The following ARHGAP33 variants were observed in gnomAD, a reference collection of about 807,000 sequenced individuals.
ARHGAP33 encodes rho GTPase-activating protein 33.
ARHGAP33 carries 57 observed loss-of-function variants against 126.2 expected under a neutral mutation model. The observed-to-expected ratio is 0.45, with a 90% CI of 0.36 to 0.56. The LOEUF is 0.56. Among genes scored for constraint, ARHGAP33 ranks in the 20% least tolerant of loss-of-function variants. The pLI, the probability that ARHGAP33 is intolerant of heterozygous loss-of-function variation, is 0.00. For missense variants in ARHGAP33, 1,500 were observed against 1,748.3 expected, an observed-to-expected ratio of 0.86 and a Z score of 2.53; for synonymous variants, 711 against 755.0, an observed-to-expected ratio of 0.94 and a Z score of 0.95.
rs571665836 is a variant in ARHGAP33 at position 35,780,907 on chromosome 19, CT to C, written c.830-11del. The C allele has an allele frequency of 2.2e-4, 359 of 1,610,366 alleles. 1 individual carries two copies. In the African/African-American group the frequency reaches 4.2e-3, roughly 19 times the overall value. On this transcript the variant is annotated splice_polypyrimidine_tract_variant and intron_variant, in intron 10 of 20. Coordinates refer to ENST00000007510, the MANE Select transcript of ARHGAP33 (RefSeq NM_001366178.1). ...CAAGACCTGCCTTTGCCCTTTGCCC[CT>C]TGCCCCCACAGCTGTGCCACGGCCT...
intron 6 of ARHGAP33, 23 bp from the exon 7 acceptor site, chr19:35,780,188 G>T (rs757390556): frequency 6.2e-7 from 1 of 1,612,184 alleles, no homozygotes; most frequent in Non-Finnish European, 8.5e-7. Context: ...ACCTGTCCTT[G>T]CCACATTCCA....
chr19:35,779,003 A>G (rs1345951320), intron 5 of ARHGAP33, 29 bp from the exon 6 acceptor site: 8 of 1,538,698 alleles, frequency 5.2e-6, no homozygotes, highest in Non-Finnish European at 7.0e-6. Flanking sequence ...GTCCACTCAC[A>G]GAGGCCCACT....
chr19:35,781,205 T>C lies in ARHGAP33; in HGVS notation c.1038T>C (p.Asp346=), dbSNP rs1381630799. ...TCATTGAGGCCCACGGGGTGGTGGA[T>C]GGGATCTACCGGCTCTCAGGCGTGT... ...SEFIEAHGVV[D]GIYRLSGVSS... The change falls in exon 12 of 21, where the codon GAT becomes GAC. Residue 346 remains aspartate, a synonymous_variant. Coordinates refer to ENST00000007510, the MANE Select transcript of ARHGAP33 (RefSeq NM_001366178.1). 1.2e-6 allele frequency: 2 copies of C among 1,613,424 alleles called. No individual in the cohort carries two copies. Among genetic ancestry groups the C allele is most frequent in the Admixed American group, 1.7e-5 (1 of 59,956 alleles).
In ARHGAP33 at chr19:35,788,530, C is replaced by G. The variant is rs1336503401; in HGVS notation, c.*101C>G. 9.1e-7 allele frequency: 1 copy of G among 1,094,770 alleles called. No individual in the cohort carries two copies. Among genetic ancestry groups the G allele is most frequent in the African/African-American group, 1.6e-5 (1 of 61,148 alleles). The allele number at this position is 1,094,770 out of a possible 1,614,324, so 67.8% of individuals were successfully genotyped here. A position where few individuals can be genotyped will look rare whatever the true frequency, so the allele number is the denominator to read the frequency against. On this transcript the variant is annotated 3_prime_UTR_variant, in exon 21 of 21. Transcript: ENST00000007510. ...TATTTTCTTGAACCCCGACCACTAC[C>G]CCAGGTTTCTAACTTTGTAACTTGC... is the stretch of plus-strand genomic sequence containing the variant.
intron 3 of ARHGAP33, 71 bp from the exon 4 acceptor site, chr19:35,778,209 C>T: frequency 6.5e-7 from 1 of 1,538,552 alleles, no homozygotes; most frequent in South Asian, 1.1e-5. Context: ...AAACCCGTCC[C>T]TAGATAGTGC....
In ARHGAP33 at chr19:35,782,798, G is replaced by T; in HGVS notation, c.1350G>T (p.Met450Ile). 6.2e-7 allele frequency: 1 copy of T among 1,613,886 alleles called. No individual in the cohort carries two copies. Among genetic ancestry groups the T allele is most frequent in the Non-Finnish European group, 8.5e-7 (1 of 1,179,876 alleles). Residue 450 changes from methionine (M) to isoleucine (I), a missense_variant, in exon 15 of 21, where the codon ATG (methionine) becomes ATT (isoleucine). Physicochemically the swap from Met to Ile is conservative, Grantham distance 10. Transcript: ENST00000007510. The surrounding 1 kb of genome is among the most constrained non-coding windows in gnomAD (Gnocchi z 4.1). ...LEYLLRHLAR[M>I]ARHSANTSMH... Reference sequence around the variant, plus strand: ...ACCTGCTGAGGCACCTGGCCCGCATGGCGAGACACAGTGCCAACACCAGCA... The same window carrying T: ...ACCTGCTGAGGCACCTGGCCCGCATTGCGAGACACAGTGCCAACACCAGCA...
chr19:35,778,958 C>G (rs1217693156), intron 5 of ARHGAP33, 74 bp from the exon 6 acceptor site: 1 of 1,250,388 alleles, frequency 8.0e-7, no homozygotes, highest in Admixed American at 2.0e-5. Context: ...CAGAGACGAG[C>G]TAGGGCAGTG....
rs1442807161 is a variant in ARHGAP33 at position 35,785,413 on chromosome 19, C to G, written c.1872C>G (p.Ser624Arg). ...CTACCTCTCCCTCTCCTGCAGGCAGCAGACCCGACACCGTCACACTGAGAT... is the reference window on the plus strand; with the variant it reads ...CTACCTCTCCCTCTCCTGCAGGCAGGAGACCCGACACCGTCACACTGAGAT... ...GTRAPPQPSG[S>R]RPDTVTLRSA... is the part of the protein sequence containing the mutation. The change falls in exon 19 of 21, where the codon AGC becomes AGG. Residue 624 changes from serine to arginine, a missense_variant. By Grantham distance (110) the Ser-to-Arg change is moderately radical. Around this residue, in one of 6 missense-constraint regions of ARHGAP33, gnomAD observed 300 missense variants for 291.1 expected, o/e 1.03. Transcript: ENST00000007510. 6.2e-7 allele frequency: 1 copy of G among 1,614,096 alleles called. No homozygotes were observed. The highest frequency in any genetic ancestry group is 8.5e-7 in the Non-Finnish European group (1 of 1,180,040).
At position 35,786,556 on chromosome 19, in the gene ARHGAP33, T is replaced by C. The variant is rs1599800319; in HGVS notation, c.2086T>C (p.Ser696Pro). ...SSSSESSSSS[S>P]ESSAAGLGAL... ...CTCCTCTGAGTCCTCCTCTTCCTCC[T>C]CTGAGTCCTCAGCAGCTGGGCTGGG... The change falls in exon 20 of 21, where the codon TCT becomes CCT. Residue 696 changes from serine (S) to proline (P), a missense_variant. Physicochemically the swap from Ser to Pro is moderately conservative, Grantham distance 74. Around this residue, in one of 6 missense-constraint regions of ARHGAP33, gnomAD observed 300 missense variants for 291.1 expected, o/e 1.03. Transcript: ENST00000007510. The surrounding 1 kb of genome is among the most constrained non-coding windows in gnomAD (Gnocchi z 7.0). 3 of 1,535,958 alleles carry C rather than the reference T, an allele frequency of 2.0e-6. No individual in the cohort carries two copies. The highest frequency in any genetic ancestry group is 2.7e-5 in the African/African-American group (2 of 72,998).
intron 1 of ARHGAP33, among the ~76,000 whole-genome samples, chr19:35,776,955 T>C (rs1374798976): frequency 6.6e-6 from 1 of 152,072 alleles, no homozygotes; most frequent in African/African-American, 2.4e-5. Context: ...TGAGGATGAA[T>C]GTACCCAGGG....
At position 35,784,964 on chromosome 19, in the gene ARHGAP33, C is replaced by G; in HGVS notation, c.1579C>G (p.Leu527Val). ...TCCACACTCCCCAGGCCGCTGCCTGCTCCCCAGGCCCAAGTCCCTTGCGGG... is the reference window on the plus strand; with the variant it reads ...TCCACACTCCCCAGGCCGCTGCCTGGTCCCCAGGCCCAAGTCCCTTGCGGG... The part of the protein sequence containing the change: ...AGLDPAGRCL[L>V]PRPKSLAGSC... Residue 527 changes from leucine (L) to valine (V), a missense_variant, in exon 17 of 21, where the codon CTC (leucine) becomes GTC (valine). Around this residue, in one of 6 missense-constraint regions of ARHGAP33, gnomAD observed 300 missense variants for 291.1 expected, o/e 1.03. Transcript: ENST00000007510. 6.5e-7 allele frequency: 1 copy of G among 1,541,938 alleles called. No homozygotes were observed. The highest frequency in any genetic ancestry group is 8.7e-7 in the Non-Finnish European group (1 of 1,146,098).
chr19:35,782,649 T>A lies in ARHGAP33; in HGVS notation c.1283T>A (p.Val428Asp). ...EEERLVRVHD[V>D]IQQLPPPHYR... The stretch of plus-strand genomic sequence containing the variant: ...GAGCGTCTGGTGCGGGTGCACGATG[T>A]CATCCAGCAGCTGCCCCCACCACAT... The change falls in exon 14 of 21, where the codon GTC becomes GAC. Residue 428 changes from valine (V) to aspartate (D), a missense_variant. Physicochemically the swap from Val to Asp is radical, Grantham distance 152 (BLOSUM62 -3). Coordinates refer to ENST00000007510, the MANE Select transcript of ARHGAP33 (RefSeq NM_001366178.1). This position sits in a 1 kb window ranked among gnomAD's most constrained non-coding sequence, Gnocchi z 4.1. 6.2e-7 allele frequency: 1 copy of A among 1,613,380 alleles called. No homozygotes were observed. The highest frequency in any genetic ancestry group is 8.5e-7 in the Non-Finnish European group (1 of 1,179,782).
Position 35,784,320 on chromosome 19 carries a change from A to G in ARHGAP33, c.1567+3A>G. Reference sequence around the variant, plus strand: ...CTCCGCCGGCCTCGACCCTGCAGGTATGCCCTCCCACCCCCTGAGGTCCTG... The same window carrying G: ...CTCCGCCGGCCTCGACCCTGCAGGTGTGCCCTCCCACCCCCTGAGGTCCTG... On this transcript the variant is annotated splice_donor_region_variant and intron_variant, in intron 16 of 20. Coordinates refer to ENST00000007510, the MANE Select transcript of ARHGAP33 (RefSeq NM_001366178.1). The G allele has an allele frequency of 1.9e-6, 3 of 1,561,050 alleles. No individual in the cohort carries two copies. The highest frequency in any genetic ancestry group is 2.6e-6 in the Non-Finnish European group (3 of 1,151,288).
chr19:35,786,376 G>C lies in ARHGAP33; in HGVS notation c.1943-37G>C. On this transcript the variant is annotated intron_variant, in intron 19 of 20. Coordinates refer to ENST00000007510, the MANE Select transcript of ARHGAP33 (RefSeq NM_001366178.1). This position sits in a 1 kb window ranked among gnomAD's most constrained non-coding sequence, Gnocchi z 7.0. ...AGCTTTCTGTGGGGCTGTGCGCCCT[G>C]TTCTCAGGGATGGTCTCACTGACCC... 1 of 1,503,880 alleles carries C rather than the reference G, an allele frequency of 6.6e-7. No individual in the cohort carries two copies. The highest frequency in any genetic ancestry group is 2.1e-5 in the Admixed American group (1 of 48,666). 93.2% of individuals were successfully genotyped at this position (1,503,880 alleles called of 1,614,324 possible).
At position 35,782,957 on chromosome 19, in the gene ARHGAP33, C is replaced by T. The variant is rs746293313; in HGVS notation, c.1421+88C>T. On this transcript the variant is annotated intron_variant, in intron 15 of 20. Coordinates refer to ENST00000007510, the MANE Select transcript of ARHGAP33 (RefSeq NM_001366178.1). This position sits in a 1 kb window ranked among gnomAD's most constrained non-coding sequence, Gnocchi z 4.1. Reference sequence around the variant, plus strand: ...CCCAGCTTTTCTTTTGTTTATTCATCGAATACGTGTCTATCAAATACCTCC... The same window carrying T: ...CCCAGCTTTTCTTTTGTTTATTCATTGAATACGTGTCTATCAAATACCTCC... The T allele has an allele frequency of 1.6e-5, 19 of 1,152,374 alleles. No homozygotes were observed. Among genetic ancestry groups the T allele is most frequent in the Middle Eastern group, 2.0e-4 (1 of 5,128 alleles). The allele number at this position is 1,152,374 out of a possible 1,614,324, so 71.4% of individuals were successfully genotyped here. A position where few individuals can be genotyped will look rare whatever the true frequency, so the allele number is the denominator to read the frequency against.
At chr19:35,781,104 A>G in intron 11 of ARHGAP33, 32 bp downstream of exon 11, 1 of 872,090 alleles carries the variant, frequency 1.1e-6, no homozygotes, top group Non-Finnish European at 1.7e-6. Flanking sequence ...CCCACCCGTC[A>G]CACCAGGGCT....
chr19:35,780,987 G>GC lies in ARHGAP33; in HGVS notation c.898dup (p.Gln300ProfsTer41), dbSNP rs758613542. The GC allele has an allele frequency of 2.5e-6, 4 of 1,611,090 alleles. No individual in the cohort carries two copies. Among genetic ancestry groups the GC allele is most frequent in the Non-Finnish European group, 3.4e-6 (4 of 1,179,910 alleles). ...CCTTCATGCGCTCCCGCCCTTCTCG[G>GC]CAGCGGCTGCGGCAGCGGGGAATCC... On this transcript the variant is annotated frameshift_variant, in exon 11 of 21. Transcript: ENST00000007510. LOFTEE classifies it high-confidence loss of function.
intron 9 of ARHGAP33, 28 bp from the exon 10 acceptor site, chr19:35,780,729 C>T (rs1279241120): frequency 6.2e-7 from 1 of 1,613,568 alleles, no homozygotes; most frequent in Non-Finnish European, 8.5e-7. Flanking sequence ...TCCCACTCAT[C>T]CCTTCCACCC....
At chr19:35,778,806 A>G in intron 5 of ARHGAP33, 1 of 922,838 alleles carries the variant, frequency 1.1e-6, no homozygotes, top group Non-Finnish European at 1.6e-6. Flanking sequence ...GGGGAGTTCC[A>G]GGGGGTCCCA....
Sources: allele counts gnomAD v4.1 joint callset (sites outside exome capture counted in the v4.1 genomes callset), GRCh38; gene constraint gnomAD v4.1.1; regional missense constraint gnomAD v4.1.1; non-coding constraint Gnocchi (gnomAD v3.1); transcripts MANE v1.5; gene names NCBI Gene and HGNC (gene_info 2026-07-23, HGNC 2026-07-21).